Variants in GRID1 observed in about 807,000 individuals in gnomAD.
GRID1 encodes glutamate receptor ionotropic, delta-1.
In GRID1, 28 loss-of-function variants were observed where a neutral mutation model predicts 98.0. The ratio of observed to expected loss-of-function variants is 0.29; its 90% CI spans 0.21 to 0.39. The LOEUF (loss-of-function observed/expected upper bound fraction) is 0.39. GRID1 is among the 10% of genes least tolerant of loss of function. The pLI, the probability that GRID1 is intolerant of heterozygous loss-of-function variation, is 1.00. For synonymous variants in GRID1, 553 were observed against 538.5 expected (o/e 1.03, Z -0.37); for missense variants, 1,111 against 1,340.5 (o/e 0.83, Z 2.67).
chr10:86,338,235 AT>A (rs1419124265), intron 2 of GRID1, among the ~76,000 whole-genome samples: 1 of 151,156 alleles, frequency 6.6e-6, no homozygotes, highest in Admixed American at 6.6e-5. Context: ...TGTTGCACTG[AT>A]TGGTTCATGG....
At chr10:85,791,090 G>A (rs1842475601) in intron 8 of GRID1, among the ~76,000 whole-genome samples, 1 of 152,178 alleles carries the variant, frequency 6.6e-6, no homozygotes. Flanking sequence ...CAGACAGGCA[G>A]TGACACCCAA....
At chr10:86,051,592 T>C (rs2089412708) in intron 4 of GRID1, among the ~76,000 whole-genome samples, 1 of 150,906 alleles carries the variant, frequency 6.6e-6, no homozygotes, top group Admixed American at 6.6e-5. Flanking sequence ...ACCCCTGCTA[T>C]AAAGATTTCC....
intron 2 of GRID1, among the ~76,000 whole-genome samples, chr10:86,333,468 A>G (rs1564741534): frequency 2.0e-5 from 3 of 152,250 alleles, no homozygotes; most frequent in Non-Finnish European, 4.4e-5. Flanking sequence ...AATCCCCTGC[A>G]TTTAGCAGAG....
At chr10:85,891,199 C>A (rs1001931623) in intron 5 of GRID1, among the ~76,000 whole-genome samples, 1 of 151,822 alleles carries the variant, frequency 6.6e-6, no homozygotes, top group South Asian at 2.1e-4. Context: ...TTTTTTTATC[C>A]CTGAGGAGCT....
intron 3 of GRID1, among the ~76,000 whole-genome samples, chr10:86,190,143 C>T (rs1397700902): frequency 2.0e-5 from 3 of 152,172 alleles, no homozygotes; most frequent in South Asian, 2.1e-4. Context: ...ACCATCTAGT[C>T]GCCCACCCCC....
intron 8 of GRID1, among the ~76,000 whole-genome samples, chr10:85,786,142 A>G (rs1842426837): frequency 1.3e-5 from 2 of 152,218 alleles, no homozygotes; most frequent in South Asian, 4.1e-4. Flanking sequence ...CCAAGTAGTT[A>G]TCTTTCCAAA....
chr10:86,341,739 C>T (rs1270950249), intron 2 of GRID1, among the ~76,000 whole-genome samples: 1 of 152,232 alleles, frequency 6.6e-6, no homozygotes, highest in Non-Finnish European at 1.5e-5. Context: ...CCCCTCTTCC[C>T]AGCCCTGTCT....
chr10:85,696,909 T>C (rs1841401095), intron 12 of GRID1, among the ~76,000 whole-genome samples: 1 of 152,094 alleles, frequency 6.6e-6, no homozygotes, highest in African/African-American at 2.4e-5. Context: ...AGCTACATTA[T>C]GTTAGTTATA....
chr10:85,674,788 C>T (rs1011475954), intron 12 of GRID1, among the ~76,000 whole-genome samples: 2 of 151,908 alleles, frequency 1.3e-5, no homozygotes, highest in African/African-American at 2.4e-5. Flanking sequence ...CTGACATGCC[C>T]AGTGTATGCT....
chr10:86,035,490 T>C (rs142837829), intron 4 of GRID1, among the ~76,000 whole-genome samples: 1 of 152,322 alleles, frequency 6.6e-6, no homozygotes, highest in East Asian at 1.9e-4. Context: ...GCTCCAGACA[T>C]GTGCTCACAG....
At chr10:86,217,960 C>G (rs1846200156) in intron 2 of GRID1, among the ~76,000 whole-genome samples, 1 of 152,202 alleles carries the variant, frequency 6.6e-6, no homozygotes, top group African/African-American at 2.4e-5. Context: ...TCCCCTACCC[C>G]ACCTGCATTT....
chr10:85,659,505 A>G (rs1005905400), intron 12 of GRID1, among the ~76,000 whole-genome samples: 1 of 152,158 alleles, frequency 6.6e-6, no homozygotes, highest in African/African-American at 2.4e-5. Context: ...AGCAGTCAGC[A>G]CTCATGGTGC....
At chr10:86,137,194 G>A (rs186068884) in intron 4 of GRID1, among the ~76,000 whole-genome samples, 21 of 152,278 alleles carry the variant, frequency 1.4e-4, no homozygotes, top group African/African-American at 4.3e-4. Flanking sequence ...CCTCTAGAAC[G>A]AAAATGCATG....
At chr10:86,283,553 A>G (rs372735608) in intron 2 of GRID1, among the ~76,000 whole-genome samples, 4 of 150,026 alleles carry the variant, frequency 2.7e-5, no homozygotes, top group African/African-American at 7.4e-5. Context: ...ACCTGCCCTT[A>G]CACACACATG....
At chr10:85,845,562 A>G (rs1842997553) in intron 8 of GRID1, among the ~76,000 whole-genome samples, 1 of 152,218 alleles carries the variant, frequency 6.6e-6, no homozygotes, top group Admixed American at 6.5e-5. Flanking sequence ...TTTAAAATGT[A>G]TAAGAAAATA....
intron 2 of GRID1, among the ~76,000 whole-genome samples, chr10:86,219,403 T>TC (rs1846221180): frequency 6.6e-6 from 1 of 152,180 alleles, no homozygotes; most frequent in Admixed American, 6.5e-5. Flanking sequence ...TACAGGTCCC[T>TC]CTTCAAGGGC....
Position 86,192,914 on chromosome 10 carries a change from T to G in GRID1, c.520+13450A>C, listed in dbSNP as rs1304424668. On this transcript the variant is annotated intron_variant, in intron 3 of 15. Transcript: ENST00000327946. The surrounding 1 kb of genome is among the most constrained non-coding windows in gnomAD (Gnocchi z 4.8). Reference sequence around the variant, plus strand: ...CTGAGTCCCAGGCCTAAGGCTCCACTGTGTGTGGGTCCCTCTGCAAACAGA... The same window carrying G: ...CTGAGTCCCAGGCCTAAGGCTCCACGGTGTGTGGGTCCCTCTGCAAACAGA... Among the ~76,000 whole-genome samples, 1 of 151,900 alleles carries G rather than the reference T, an allele frequency of 6.6e-6. No individual in the cohort carries two copies. The highest frequency in any genetic ancestry group is 1.5e-5 in the Non-Finnish European group (1 of 67,888).
chr10:86,137,989 T>A (rs927363535), intron 4 of GRID1, among the ~76,000 whole-genome samples: 1 of 152,160 alleles, frequency 6.6e-6, no homozygotes, highest in East Asian at 1.9e-4. Flanking sequence ...ACAAGGTGAC[T>A]GGGGTTGTCT....
intron 12 of GRID1, among the ~76,000 whole-genome samples, chr10:85,693,805 C>G (rs139831224): frequency 4.6e-5 from 7 of 152,108 alleles, no homozygotes; most frequent in African/African-American, 1.7e-4. Flanking sequence ...CAAAGACTTA[C>G]ATGTAAGACT....
Sources: allele counts gnomAD v4.1 joint callset (sites outside exome capture counted in the v4.1 genomes callset), GRCh38; gene constraint gnomAD v4.1.1; non-coding constraint Gnocchi (gnomAD v3.1); transcripts MANE v1.5; gene names NCBI Gene and HGNC (gene_info 2026-07-23, HGNC 2026-07-21).